The following ADCY1 variants were observed in gnomAD, a reference collection of about 807,000 sequenced individuals.
The protein encoded by ADCY1 is adenylate cyclase type 1.
Under a neutral mutation model 105.4 loss-of-function variants are expected in ADCY1, and 28 were observed. The ratio of observed to expected loss-of-function variants is 0.27; its 90% CI spans 0.20 to 0.36. The LOEUF is 0.36. Among genes scored for constraint, ADCY1 ranks in the 10% least tolerant of loss-of-function variants. The pLI is 1.00. For missense variants in ADCY1, 977 were observed against 1,434.2 expected, an observed-to-expected ratio of 0.68 and a Z score of 5.15; for synonymous variants, 655 against 623.8, an observed-to-expected ratio of 1.05 and a Z score of -0.75.
chr7:45,691,325 T>G (rs1031097550), intron 14 of ADCY1, among the ~76,000 whole-genome samples: 1 of 152,220 alleles, frequency 6.6e-6, no homozygotes, highest in African/African-American at 2.4e-5. Flanking sequence ...TACTGCCATG[T>G]TTGTCCACAG....
At chr7:45,635,781 G>C (rs898158545) in intron 4 of ADCY1, among the ~76,000 whole-genome samples, 2 of 151,432 alleles carry the variant, frequency 1.3e-5, no homozygotes, top group African/African-American at 4.9e-5. Context: ...TTACTTTGGT[G>C]GTTTAGTGCT....
At chr7:45,580,404 G>T (rs1001803508) in intron 1 of ADCY1, among the ~76,000 whole-genome samples, 10 of 152,216 alleles carry the variant, frequency 6.6e-5, no homozygotes, top group Admixed American at 3.3e-4. Flanking sequence ...GGGCCTCCCT[G>T]CCTCTCTGCT....
At chr7:45,692,986 T>C (rs965750955) in intron 14 of ADCY1, among the ~76,000 whole-genome samples, 6 of 152,232 alleles carry the variant, frequency 3.9e-5, no homozygotes, top group African/African-American at 1.4e-4. Context: ...GAGGACATAG[T>C]CCTAAACATT....
intron 4 of ADCY1, among the ~76,000 whole-genome samples, chr7:45,639,383 A>G (rs1794480193): frequency 6.6e-6 from 1 of 152,168 alleles, no homozygotes; most frequent in South Asian, 2.1e-4. Context: ...CTGTGGAGGG[A>G]CAGGGCCCCT....
intron 1 of ADCY1, among the ~76,000 whole-genome samples, chr7:45,581,794 T>TA (rs1792553056): frequency 6.6e-6 from 1 of 152,062 alleles, no homozygotes; most frequent in African/African-American, 2.4e-5. Context: ...TGCATGAACA[T>TA]ACACAAACAC....
In ADCY1 at chr7:45,648,781, A is replaced by G; in HGVS notation, c.1132A>G (p.Met378Val). 6.2e-7 allele frequency: 1 copy of G among 1,614,146 alleles called. No homozygotes were observed. Among genetic ancestry groups the G allele is most frequent in the Non-Finnish European group, 8.5e-7 (1 of 1,179,998 alleles). The change falls in exon 5 of 20, where the codon ATG (methionine) becomes GTG (valine). Residue 378 changes from methionine (M) to valine (V), a missense_variant. Transcript: ENST00000297323. ...AHCCVEMGLDMIDTITSVAEA... is the reference protein window; with the variant it reads ...AHCCVEMGLDVIDTITSVAEA... ...CTGCTGTGTGGAGATGGGACTCGAC[A>G]TGATTGATACCATCACGTAAGTACC...
At chr7:45,631,584 A>G (rs1794259906) in intron 4 of ADCY1, among the ~76,000 whole-genome samples, 1 of 152,256 alleles carries the variant, frequency 6.6e-6, no homozygotes, top group South Asian at 2.1e-4. Context: ...CTCTGCATCC[A>G]AACTTGAAAA....
chr7:45,707,230 A>C (rs1167367620), intron 17 of ADCY1, among the ~76,000 whole-genome samples: 1 of 152,252 alleles, frequency 6.6e-6, no homozygotes, highest in African/African-American at 2.4e-5. Flanking sequence ...ATGAGAACTT[A>C]TGTCCATGAG....
At position 45,626,850 on chromosome 7, in the gene ADCY1, A is replaced by G. The variant is rs146133674; in HGVS notation, c.1020+4107A>G. Among the ~76,000 whole-genome samples the G allele has an allele frequency of 3.1e-3, 477 of 152,298 alleles. 5 individuals are homozygous for G. The highest frequency in any genetic ancestry group is 0.011 in the African/African-American group (441 of 41,570). On this transcript the variant is annotated intron_variant, in intron 4 of 19. Transcript: ENST00000297323. ...GGACGGGGCCTTGCCCTAGTGCACT[A>G]ATGCCACCACAGAGTGACAGCCTTG...
intron 5 of ADCY1, among the ~76,000 whole-genome samples, chr7:45,654,802 C>T (rs1397553348): frequency 6.6e-6 from 1 of 152,178 alleles, no homozygotes; most frequent in Admixed American, 6.5e-5. Flanking sequence ...TTTTAGGGGA[C>T]ATGGAGCTTC....
intron 4 of ADCY1, among the ~76,000 whole-genome samples, chr7:45,643,030 C>T (rs544977393): frequency 6.3e-4 from 96 of 151,460 alleles, no homozygotes; most frequent in Middle Eastern, 6.8e-3. Flanking sequence ...GTGTTTTGAT[C>T]GATTGCCGTC....
chr7:45,616,104 G>C (rs1017688919), intron 3 of ADCY1, among the ~76,000 whole-genome samples: 2 of 152,126 alleles, frequency 1.3e-5, no homozygotes, highest in Non-Finnish European at 2.9e-5. Context: ...TAAATGTCAA[G>C]AAACATACAA....
At chr7:45,672,075 C>G (rs970733269) in intron 8 of ADCY1, among the ~76,000 whole-genome samples, 1 of 152,118 alleles carries the variant, frequency 6.6e-6, no homozygotes, top group Non-Finnish European at 1.5e-5. Flanking sequence ...TATAGTTTTA[C>G]ATTTGATAGT....
intron 5 of ADCY1, 34 bp from the exon 6 acceptor site, chr7:45,657,693 G>C (rs776743815): frequency 3.8e-6 from 6 of 1,595,620 alleles, no homozygotes; most frequent in Non-Finnish European, 5.1e-6. Context: ...ATACAAGGTG[G>C]GCCCTAGCCC....
At chr7:45,695,714 C>T (rs577121722) in intron 14 of ADCY1, among the ~76,000 whole-genome samples, 11 of 152,326 alleles carry the variant, frequency 7.2e-5, no homozygotes, top group Admixed American at 5.9e-4. Context: ...TGCTTTCTGC[C>T]CACAGTGTGG....
intron 3 of ADCY1, among the ~76,000 whole-genome samples, chr7:45,613,243 A>G (rs996126149): frequency 6.6e-5 from 10 of 152,222 alleles, no homozygotes; most frequent in African/African-American, 2.4e-4. Context: ...AATAGAAAAT[A>G]TTAACAAGTG....
chr7:45,678,105 A>G (rs1584325601), intron 9 of ADCY1, 42 bp downstream of exon 9: 1 of 1,613,662 alleles, frequency 6.2e-7, no homozygotes, highest in Admixed American at 1.7e-5. Context: ...GCTGCTTGCG[A>G]AGGCGCTGCC....
intron 14 of ADCY1, among the ~76,000 whole-genome samples, chr7:45,690,954 C>A (rs1784776280): frequency 6.6e-6 from 1 of 152,180 alleles, no homozygotes; most frequent in African/African-American, 2.4e-5. Context: ...AGCCCAGGCC[C>A]ATGAGATCTG....
intron 1 of ADCY1, among the ~76,000 whole-genome samples, chr7:45,581,776 T>C (rs6957861): frequency 0.45 from 68,932 of 151,918 alleles, 16,072 homozygotes; most frequent in East Asian, 0.69. Context: ...ATATCCATCC[T>C]TCCTCTTTGC....
Sources: gnomAD v4.1 joint callset for allele counts (sites outside exome capture counted in the v4.1 genomes callset) on GRCh38, gnomAD v4.1.1 for gene constraint, MANE v1.5 for transcripts, NCBI Gene and HGNC (gene_info 2026-07-23, HGNC 2026-07-21) for gene names.